Variants in NYAP2 observed in about 807,000 individuals in gnomAD.
NYAP2 encodes neuronal tyrosine-phosphorylated phosphoinositide-3-kinase adaptor 2, also known as neuronal tyrosine-phosphorylated phosphoinositide-3-kinase adapter 2.
In NYAP2, 23 loss-of-function variants were observed where a neutral mutation model predicts 50.4. The observed-to-expected ratio is 0.46, with a 90% CI of 0.33 to 0.65. The LOEUF (loss-of-function observed/expected upper bound fraction) is 0.65, where lower values mean the gene tolerates loss of function less well. Among genes scored for constraint, NYAP2 ranks in the 30% least tolerant of loss-of-function variants. The pLI, the probability that NYAP2 is intolerant of heterozygous loss-of-function variation, is 0.02. For missense variants in NYAP2, 885 were observed against 861.0 expected (o/e 1.03, Z -0.35); for synonymous variants, 394 against 365.2 (o/e 1.08, Z -0.90).
intron 3 of NYAP2, among the ~76,000 whole-genome samples, chr2:225,418,031 G>C (rs942650173): frequency 6.6e-6 from 1 of 152,100 alleles, no homozygotes; most frequent in African/African-American, 2.4e-5. Flanking sequence ...CTAGAGAATT[G>C]AGGGTCAGGG....
intron 6 of NYAP2, among the ~76,000 whole-genome samples, chr2:225,637,352 G>A (rs1225923090): frequency 1.3e-5 from 2 of 152,120 alleles, no homozygotes; most frequent in Admixed American, 6.5e-5. Flanking sequence ...AGACTTCACT[G>A]TAGGCTGTTC....
intron 6 of NYAP2, among the ~76,000 whole-genome samples, chr2:225,637,075 TTTA>T (rs954296772): frequency 2.6e-5 from 4 of 152,218 alleles, no homozygotes; most frequent in Admixed American, 6.5e-5. Context: ...GCTTTATTGC[TTTA>T]TTATTAGGTA....
At chr2:225,703,379 A>AT in the NYAP2 span, 1 of 151,830 alleles carries the variant, frequency 6.6e-6, no homozygotes, top group South Asian at 2.1e-4. Flanking sequence ...ATTTGTGCAA[A>AT]TAAGCATTAG....
intron 4 of NYAP2, among the ~76,000 whole-genome samples, chr2:225,563,707 A>C (rs1691912939): frequency 6.6e-6 from 1 of 152,190 alleles, no homozygotes; most frequent in Non-Finnish European, 1.5e-5. Context: ...GCATATATGC[A>C]TGCATACACA....
chr2:225,488,959 G>C (rs982248510), intron 3 of NYAP2, among the ~76,000 whole-genome samples: 3 of 152,158 alleles, frequency 2.0e-5, no homozygotes, highest in African/African-American at 7.2e-5. Flanking sequence ...ACCCAGGTAA[G>C]GAAATGAATG....
intron 3 of NYAP2, among the ~76,000 whole-genome samples, chr2:225,440,500 G>A (rs1485228809): frequency 2.6e-5 from 4 of 152,142 alleles, no homozygotes. Context: ...TTAAGGCTAA[G>A]GAGCAATAAT....
At chr2:225,552,725 C>T (rs192753435) in intron 4 of NYAP2, among the ~76,000 whole-genome samples, 1 of 152,182 alleles carries the variant, frequency 6.6e-6, no homozygotes, top group Non-Finnish European at 1.5e-5. Context: ...CAGTCTCGCT[C>T]TGTTGCCCAG....
intron 2 of NYAP2, among the ~76,000 whole-genome samples, chr2:225,404,418 T>G (rs2106116197): frequency 6.6e-6 from 1 of 152,168 alleles, no homozygotes; most frequent in South Asian, 2.1e-4. Context: ...ATGGGTAGTT[T>G]TATTTCAGTG....
intron 5 of NYAP2, among the ~76,000 whole-genome samples, chr2:225,587,442 C>T (rs1041325065): frequency 5.3e-5 from 8 of 152,004 alleles, no homozygotes; most frequent in Non-Finnish European, 7.4e-5. Flanking sequence ...CATGCACGCC[C>T]GGGGCAGAAG....
downstream of NYAP2, among the ~76,000 whole-genome samples, chr2:225,658,519 CAT>C (rs1312134012): frequency 6.6e-6 from 1 of 152,168 alleles, no homozygotes; most frequent in East Asian, 1.9e-4. Context: ...GGAATAAATT[CAT>C]GTTACAAATA....
chr2:225,430,728 T>C (rs1421385679), intron 3 of NYAP2, among the ~76,000 whole-genome samples: 2 of 151,718 alleles, frequency 1.3e-5, no homozygotes, highest in African/African-American at 4.9e-5. Flanking sequence ...TTTTTTTTAT[T>C]AAAACCAAAA....
At chr2:225,509,879 T>A (rs1367589) in intron 3 of NYAP2, among the ~76,000 whole-genome samples, 1 of 152,182 alleles carries the variant, frequency 6.6e-6, no homozygotes, top group Non-Finnish European at 1.5e-5. Context: ...GGAATATGCA[T>A]CCCCATATAT....
chr2:225,562,432 T>C (rs1307200483), intron 4 of NYAP2, among the ~76,000 whole-genome samples: 3 of 152,248 alleles, frequency 2.0e-5, no homozygotes, highest in South Asian at 4.1e-4. Flanking sequence ...TGCTGGGGTA[T>C]GCCCTTGAAA....
At chr2:225,443,128 T>C (rs1321842226) in intron 3 of NYAP2, among the ~76,000 whole-genome samples, 1 of 152,128 alleles carries the variant, frequency 6.6e-6, no homozygotes, top group African/African-American at 2.4e-5. Flanking sequence ...ATGGGGATAA[T>C]GGGAGCTACA....
At chr2:225,517,206 A>G (rs1465334604) in intron 4 of NYAP2, among the ~76,000 whole-genome samples, 1 of 152,188 alleles carries the variant, frequency 6.6e-6, no homozygotes, top group South Asian at 2.1e-4. Context: ...TATAGTGGTG[A>G]GCATAAACTG....
intron 3 of NYAP2, among the ~76,000 whole-genome samples, chr2:225,450,151 G>T (rs911767126): frequency 1.3e-5 from 2 of 152,144 alleles, no homozygotes; most frequent in African/African-American, 4.8e-5. Flanking sequence ...TGTCAAGAAT[G>T]CTGTATAACC....
At chr2:225,520,634 T>C (rs887387993) in intron 4 of NYAP2, among the ~76,000 whole-genome samples, 11 of 151,934 alleles carry the variant, frequency 7.2e-5, no homozygotes, top group African/African-American at 1.5e-4. Context: ...TGATCTATAT[T>C]TCTGTTTTGG....
chr2:225,408,443 A>T (rs1268795621), intron 2 of NYAP2, among the ~76,000 whole-genome samples: 2 of 152,088 alleles, frequency 1.3e-5, no homozygotes, highest in Non-Finnish European at 2.9e-5. Context: ...TTTCCAAATA[A>T]TTACATCATT....
chr2:225,445,793 A>G, intron 3 of NYAP2, among the ~76,000 whole-genome samples: 1 of 152,282 alleles, frequency 6.6e-6, no homozygotes, highest in South Asian at 2.1e-4. Context: ...AAGAAATTAA[A>G]TTCAAAATAT....
Sources: gnomAD v4.1 joint callset for allele counts (sites outside exome capture counted in the v4.1 genomes callset) on GRCh38, gnomAD v4.1.1 for gene constraint, MANE v1.5 for transcripts, NCBI Gene and HGNC (gene_info 2026-07-23, HGNC 2026-07-21) for gene names.